Variants in EIF3K observed in about 807,000 individuals in gnomAD.
The protein encoded by EIF3K is eukaryotic translation initiation factor 3 subunit K.
A neutral mutation model predicts 34.2 loss-of-function variants in EIF3K; 27 were observed. That is an observed-to-expected ratio of 0.79 (90% CI 0.58 to 1.09). EIF3K has a LOEUF of 1.09. EIF3K is among the 50% of genes least tolerant of loss of function. The pLI, the probability that EIF3K is intolerant of heterozygous loss-of-function variation, is 0.00. For synonymous variants in EIF3K, 105 were observed against 105.7 expected, an observed-to-expected ratio of 0.99 and a Z score of 0.04; for missense variants, 232 against 275.4, an observed-to-expected ratio of 0.84 and a Z score of 1.11.
At chr19:38,625,976 G>A in intron 3 of EIF3K, 52 bp from the exon 4 acceptor site, 1 of 1,555,706 alleles carries the variant, frequency 6.4e-7, no homozygotes, top group South Asian at 1.1e-5. Flanking sequence ...GGTGATCTGG[G>A]GTCCAACCTT....
At chr19:38,625,885 A>C (rs1035263984) in intron 3 of EIF3K, 143 bp from the exon 4 acceptor site, 34 of 769,206 alleles carry the variant, frequency 4.4e-5, no homozygotes, top group Non-Finnish European at 9.1e-6. Flanking sequence ...CTGCAGGAGA[A>C]ATAAGCTGGC....
At chr19:38,626,357 C>T (rs1391266503) in intron 4 of EIF3K, 4 of 456,936 alleles carry the variant, frequency 8.8e-6, no homozygotes, top group African/African-American at 7.9e-5. Flanking sequence ...CACCGTTGAT[C>T]AGAAGTCCTC....
rs762970374 is a variant in EIF3K, at chr19:38,624,216, G to C, written c.279+19G>C. On this transcript the variant is annotated intron_variant, in intron 3 of 7. Coordinates refer to ENST00000248342, the MANE Select transcript of EIF3K (RefSeq NM_013234.4). ...GGCACATGTATCCTTCCAGCACTGG[G>C]GCCGGGGGGTGTGTGGGAAGGGGTC... The C allele has an allele frequency of 2.5e-6, 4 of 1,613,836 alleles. No individual in the cohort carries two copies. The East Asian group carries it at 8.9e-5, about 36-fold the overall frequency.
chr19:38,626,382 A>G (rs985356319), intron 4 of EIF3K: 14 of 409,830 alleles, frequency 3.4e-5, no homozygotes, highest in South Asian at 2.1e-4. Context: ...GGCTGGGTGT[A>G]GTGACTCACC....
At chr19:38,634,950 G>T in intron 6 of EIF3K, 43 bp from the exon 7 acceptor site, 3 of 1,612,846 alleles carry the variant, frequency 1.9e-6, no homozygotes, top group Non-Finnish European at 2.5e-6. Context: ...GGAACTGTGG[G>T]ATCAGGCTGA....
intron 1 of EIF3K, among the ~76,000 whole-genome samples, chr19:38,619,733 T>A: frequency 6.6e-6 from 1 of 152,228 alleles, no homozygotes; most frequent in East Asian, 1.9e-4. Context: ...CCTTCTCTGC[T>A]CTATAAGTCA....
At chr19:38,625,954 T>C (rs2144768311) in intron 3 of EIF3K, 74 bp from the exon 4 acceptor site, 3 of 1,349,136 alleles carry the variant, frequency 2.2e-6, no homozygotes, top group South Asian at 2.3e-5. Context: ...CAGAAGAAGG[T>C]AGGTGGGGAG....
At chr19:38,623,257 T>A (rs1253850995) in intron 2 of EIF3K, among the ~76,000 whole-genome samples, 2 of 152,264 alleles carry the variant, frequency 1.3e-5, no homozygotes, top group Non-Finnish European at 2.9e-5. Context: ...TCCACGTTCT[T>A]CTGTCATGGC....
At chr19:38,621,225 C>T (rs570403939) in intron 2 of EIF3K, among the ~76,000 whole-genome samples, 1 of 149,260 alleles carries the variant, frequency 6.7e-6, no homozygotes, top group African/African-American at 2.5e-5. Flanking sequence ...AAAGAATTAC[C>T]AATTTGGGTG....
intron 5 of EIF3K, 24 bp from the exon 6 acceptor site, chr19:38,632,577 C>T (rs371999564): frequency 8.1e-6 from 13 of 1,613,344 alleles, no homozygotes; most frequent in Non-Finnish European, 1.0e-5. Context: ...AGCTGCTCAC[C>T]GGTTTTGTCT....
intron 3 of EIF3K, 84 bp downstream of exon 3, chr19:38,624,281 GGTGT>G: frequency 6.3e-7 from 1 of 1,582,506 alleles, no homozygotes; most frequent in Non-Finnish European, 8.6e-7. Flanking sequence ...ATGGTCTGTG[GGTGT>G]ATCCACAAAC....
chr19:38,630,033 T>C (rs151092468), intron 4 of EIF3K, among the ~76,000 whole-genome samples: 1 of 152,178 alleles, frequency 6.6e-6, no homozygotes, highest in African/African-American at 2.4e-5. Flanking sequence ...ACCTCCAGGA[T>C]TTTTGGAAAA....
intron 2 of EIF3K, among the ~76,000 whole-genome samples, chr19:38,620,934 G>T (rs1975826434): frequency 6.7e-6 from 1 of 149,546 alleles, no homozygotes; most frequent in Admixed American, 6.6e-5. Context: ...GGCCGCAGGG[G>T]CTCATGCCTG....
At chr19:38,635,266 T>G (rs551899088) in intron 7 of EIF3K, 148 bp downstream of exon 7, 1 of 1,168,266 alleles carries the variant, frequency 8.6e-7, no homozygotes, top group South Asian at 1.4e-5. Context: ...ACCTTGTGTC[T>G]TGGGGCTCCC....
chr19:38,619,699 C>T lies in EIF3K; in HGVS notation c.59+372C>T, dbSNP rs79501675. 6.0e-3 allele frequency among the ~76,000 whole-genome samples: 917 copies of T among 152,328 alleles called. 7 individuals carry two copies. Among genetic ancestry groups the T allele is most frequent in the African/African-American group, 0.021 (891 of 41,578 alleles). On this transcript the variant is annotated intron_variant, in intron 1 of 7. Transcript: ENST00000248342. ...TAAGGTTTCCTTCTCTGCTCCGCCT[C>T]CTTTGAGTGCCTCTTAATCTCTCCC... is the stretch of plus-strand genomic sequence containing the variant.
At chr19:38,631,223 G>A (rs1274255841) in intron 4 of EIF3K, among the ~76,000 whole-genome samples, 1 of 152,174 alleles carries the variant, frequency 6.6e-6, no homozygotes, top group East Asian at 1.9e-4. Flanking sequence ...TAGAGACAAA[G>A]TATAGAGAAA....
chr19:38,620,346 T>G lies in EIF3K; in HGVS notation c.69T>G (p.Pro23=), dbSNP rs1474407017. The change falls in exon 2 of 8, where the codon CCT becomes CCG. Residue 23 remains proline, a synonymous_variant. Transcript: ENST00000248342. ...KLLKGIDRYN[P]ENLATLERYV... is the part of the protein sequence containing the mutation. Reference sequence around the variant, plus strand: ...CTTGATTCTCCTTTAGGTACAATCCTGAGAACCTGGCCACCCTGGAGCGCT... The same window carrying G: ...CTTGATTCTCCTTTAGGTACAATCCGGAGAACCTGGCCACCCTGGAGCGCT... 5 of 1,613,804 alleles carry G rather than the reference T, an allele frequency of 3.1e-6. No individual in the cohort carries two copies. The highest frequency in any genetic ancestry group is 4.2e-6 in the Non-Finnish European group (5 of 1,179,938).
intron 4 of EIF3K, chr19:38,626,379 T>C (rs1432176831): frequency 9.7e-6 from 4 of 412,412 alleles, no homozygotes. Context: ...AGTGGCTGGG[T>C]GTAGTGACTC....
At chr19:38,625,590 ACCT>A (rs989423318) in intron 3 of EIF3K, among the ~76,000 whole-genome samples, 4 of 149,142 alleles carry the variant, frequency 2.7e-5, no homozygotes, top group African/African-American at 5.1e-5. Context: ...GCTCACTACA[ACCT>A]CCTCCTCCCG....
Sources: gnomAD v4.1 joint callset for allele counts (sites outside exome capture counted in the v4.1 genomes callset) on GRCh38, gnomAD v4.1.1 for gene constraint, MANE v1.5 for transcripts, NCBI Gene and HGNC (gene_info 2026-07-23, HGNC 2026-07-21) for gene names.